The following RLF variants were observed in gnomAD, a reference collection of about 807,000 sequenced individuals.
RLF encodes zinc finger protein Rlf.
A neutral mutation model predicts 162.9 loss-of-function variants in RLF; 7 were observed. The ratio of observed to expected loss-of-function variants is 0.04; its 90% CI spans 0.02 to 0.08. The LOEUF (loss-of-function observed/expected upper bound fraction) is 0.08, where lower values mean the gene tolerates loss of function less well. Among genes scored for constraint, RLF ranks in the 10% least tolerant of loss-of-function variants. The probability of loss-of-function intolerance (pLI) is 1.00; values close to 1 mark genes in which losing one functional copy is unlikely to be tolerated. For synonymous variants in RLF, 782 were observed against 791.5 expected (o/e 0.99, Z 0.20); for missense variants, 1,664 against 2,244.7 (o/e 0.74, Z 5.23).
chr1:40,167,200 A>G (rs868404835), intron 1 of RLF, among the ~76,000 whole-genome samples: 1 of 152,172 alleles, frequency 6.6e-6, no homozygotes, highest in Non-Finnish European at 1.5e-5. Context: ...ATAGGACAAT[A>G]GTTTGGAGAT....
At chr1:40,188,175 C>G (rs116552053) in intron 1 of RLF, among the ~76,000 whole-genome samples, 1,972 of 152,244 alleles carry the variant, frequency 0.013, 43 homozygotes, top group African/African-American at 0.045. Flanking sequence ...AGAGAGAAAA[C>G]AACTCCATGG....
rs144986588 is a variant in RLF, at chr1:40,212,116, CAGG to C, written c.810+9505_810+9507del. Among the ~76,000 whole-genome samples the C allele has an allele frequency of 8.1e-3, 1,234 of 152,330 alleles. 44 individuals carry two copies. Among genetic ancestry groups the C allele is most frequent in the East Asian group, 0.052 (268 of 5,184 alleles). ...ATTTGCCATCTACTTCACCTGAGTT[CAGG>C]AGAAGAGTTAACTTGAGCAACAGCT... On this transcript the variant is annotated intron_variant, in intron 5 of 7. Coordinates refer to ENST00000372771, the MANE Select transcript of RLF (RefSeq NM_012421.4).
At position 40,240,505 on chromosome 1, in the gene RLF, C is replaced by A; in HGVS notation, c.*58C>A. ...CAACACTGCAACATGGGGACATTTG[C>A]CAACTCGAACAAAGGCTGAGAAGCA... On this transcript the variant is annotated 3_prime_UTR_variant, in exon 8 of 8. Transcript: ENST00000372771. 8.0e-7 allele frequency: 1 copy of A among 1,252,978 alleles called. No homozygotes were observed. Among genetic ancestry groups the A allele is most frequent in the Non-Finnish European group, 1.1e-6 (1 of 879,144 alleles). 77.6% of individuals were successfully genotyped at this position (1,252,978 alleles called of 1,614,324 possible). A position where few individuals can be genotyped will look rare whatever the true frequency, so the allele number is the denominator to read the frequency against.
intron 6 of RLF, among the ~76,000 whole-genome samples, chr1:40,230,840 G>A (rs746895527): frequency 7.2e-5 from 11 of 152,008 alleles, no homozygotes; most frequent in Non-Finnish European, 1.5e-4. Context: ...TTCTATCCTT[G>A]GCATTGTTGA....
intron 5 of RLF, among the ~76,000 whole-genome samples, chr1:40,209,351 A>G (rs900568004): frequency 6.6e-6 from 1 of 152,230 alleles, no homozygotes; most frequent in Non-Finnish European, 1.5e-5. Context: ...GTCTCACAAA[A>G]TGGCTGGATA....
chr1:40,181,301 A>T (rs1642401908), intron 1 of RLF, among the ~76,000 whole-genome samples: 1 of 152,154 alleles, frequency 6.6e-6, no homozygotes, highest in Non-Finnish European at 1.5e-5. Flanking sequence ...GTGGTGGCTC[A>T]TGCCTGTAGT....
At chr1:40,206,623 A>G (rs1418519513) in intron 5 of RLF, among the ~76,000 whole-genome samples, 2 of 152,144 alleles carry the variant, frequency 1.3e-5, no homozygotes, top group Admixed American at 6.5e-5. Context: ...ATAGCTTTCC[A>G]TCTTACTCAG....
Position 40,237,075 on chromosome 1 carries a change from T to C in RLF, c.2373T>C (p.His791=), listed in dbSNP as rs543045069. ...VFSDLGQLYH[H]EAQHFRDASY... is the part of the protein sequence containing the mutation. The stretch of plus-strand genomic sequence containing the variant: ...GTGACTTGGGACAGCTTTACCACCA[T>C]GAAGCACAACACTTTAGGGATGCAT... The change falls in exon 8 of 8, where the codon CAT becomes CAC. Residue 791 remains histidine (H), a synonymous_variant. Coordinates refer to ENST00000372771, the MANE Select transcript of RLF (RefSeq NM_012421.4). The surrounding 1 kb of genome is among the most constrained non-coding windows in gnomAD (Gnocchi z 4.4). 5.7e-5 allele frequency: 92 copies of C among 1,614,048 alleles called. No individual in the cohort carries two copies. Among genetic ancestry groups the C allele is most frequent in the Non-Finnish European group, 7.7e-5 (91 of 1,180,014 alleles).
At chr1:40,186,041 C>T (rs1211557865) in intron 1 of RLF, among the ~76,000 whole-genome samples, 3 of 151,896 alleles carry the variant, frequency 2.0e-5, no homozygotes, top group Non-Finnish European at 4.4e-5. Flanking sequence ...GTTGTAATCC[C>T]AGCTACTCAG....
rs761795541 is a variant in RLF at position 40,239,218 on chromosome 1, A to G, written c.4516A>G (p.Thr1506Ala). The G allele has an allele frequency of 9.9e-6, 16 of 1,614,194 alleles. No homozygotes were observed. The South Asian group carries it at 1.6e-4, about 17-fold the overall frequency. The change falls in exon 8 of 8, where the codon ACC becomes GCC. Residue 1506 changes from threonine (T) to alanine (A), a missense_variant. Thr to Ala is a moderately conservative substitution (Grantham distance 58). Coordinates refer to ENST00000372771, the MANE Select transcript of RLF (RefSeq NM_012421.4). ...TGATACTCAGGGGCATGAACATCAG[A>G]CCACCAGGAGATCATTTAATGCTAA... The part of the protein sequence containing the change: ...TADTQGHEHQ[T>A]TRRSFNAKSK...
At chr1:40,182,562 T>C (rs1175409699) in intron 1 of RLF, among the ~76,000 whole-genome samples, 1 of 152,256 alleles carries the variant, frequency 6.6e-6, no homozygotes, top group Non-Finnish European at 1.5e-5. Flanking sequence ...TATGTAACAA[T>C]GTTATGTTAC....
At chr1:40,229,548 G>C (rs572293682) in intron 6 of RLF, among the ~76,000 whole-genome samples, 1 of 143,466 alleles carries the variant, frequency 7.0e-6, no homozygotes, top group East Asian at 2.2e-4. Context: ...TCCACCTCCC[G>C]GGTTCAAGCA....
At chr1:40,197,926 A>G (rs949317664) in intron 4 of RLF, among the ~76,000 whole-genome samples, 1 of 152,250 alleles carries the variant, frequency 6.6e-6, no homozygotes, top group African/African-American at 2.4e-5. Flanking sequence ...GTCTTCTGTA[A>G]TAAGTGCCAA....
In RLF at chr1:40,215,765, G is replaced by A. The variant is rs183200759; in HGVS notation, c.811-6809G>A. 2.8e-4 allele frequency among the ~76,000 whole-genome samples: 42 copies of A among 151,998 alleles called. 1 individual carries two copies. Among genetic ancestry groups the A allele is most frequent in the Non-Finnish European group, 4.7e-4 (32 of 67,966 alleles). On this transcript the variant is annotated intron_variant, in intron 5 of 7. Transcript: ENST00000372771. ...CCCAGCCCAGAAAATACTTTGAGAT[G>A]AATGATGAAACACAACATACCAATA...
chr1:40,188,782 A>G (rs1215127184), intron 1 of RLF, among the ~76,000 whole-genome samples: 2 of 152,192 alleles, frequency 1.3e-5, no homozygotes, highest in Admixed American at 6.5e-5. Flanking sequence ...GCAACTCCAG[A>G]CCTATAGTGA....
At chr1:40,207,067 G>C (rs1171310386) in intron 5 of RLF, among the ~76,000 whole-genome samples, 1 of 152,048 alleles carries the variant, frequency 6.6e-6, no homozygotes, top group African/African-American at 2.4e-5. Flanking sequence ...ACACATTACT[G>C]CTTCTACTAG....
chr1:40,225,878 CAAAAAAAAAAAAAAAA>C (rs71577617), intron 6 of RLF, among the ~76,000 whole-genome samples: 1 of 14,782 alleles, frequency 6.8e-5, no homozygotes, highest in African/African-American at 2.4e-4. Context: ...GACTCCGTCG[CAAAAAAAAAAAAAAAA>C]AAAAAAAAAA....
intron 1 of RLF, among the ~76,000 whole-genome samples, chr1:40,175,915 C>T (rs1642319065): frequency 6.6e-6 from 1 of 151,914 alleles, no homozygotes; most frequent in Non-Finnish European, 1.5e-5. Flanking sequence ...CCTTTCTTAC[C>T]CTCCTCTTGT....
In RLF at chr1:40,237,962, G is replaced by A; in HGVS notation, c.3260G>A (p.Gly1087Glu). ...THGSFSGSLQ[G>E]YPSSGAKSLQ... is the part of the protein sequence containing the mutation. The stretch of plus-strand genomic sequence containing the variant: ...GGATCTTTCTCAGGGTCATTGCAGG[G>A]GTACCCATCCAGTGGTGCTAAGTCT... Residue 1087 changes from glycine to glutamate, a missense_variant, in exon 8 of 8, where the codon GGG becomes GAG. By Grantham distance (98) the Gly-to-Glu change is moderately conservative (BLOSUM62 -2). Coordinates refer to ENST00000372771, the MANE Select transcript of RLF (RefSeq NM_012421.4). The surrounding 1 kb of genome is among the most constrained non-coding windows in gnomAD (Gnocchi z 4.4). 1 of 1,614,044 alleles carries A rather than the reference G, an allele frequency of 6.2e-7. No homozygotes were observed. Among genetic ancestry groups the A allele is most frequent in the Non-Finnish European group, 8.5e-7 (1 of 1,179,994 alleles).
Sources: allele counts gnomAD v4.1 joint callset (sites outside exome capture counted in the v4.1 genomes callset), GRCh38; gene constraint gnomAD v4.1.1; non-coding constraint Gnocchi (gnomAD v3.1); transcripts MANE v1.5; gene names NCBI Gene and HGNC (gene_info 2026-07-23, HGNC 2026-07-21).